USP25: variants seen among roughly 807,000 people sequenced by gnomAD.
USP25 encodes ubiquitin carboxyl-terminal hydrolase 25.
In USP25, 85 loss-of-function variants were observed where a neutral mutation model predicts 158.5. The ratio of observed to expected loss-of-function variants is 0.54; its 90% CI spans 0.45 to 0.64. The LOEUF (loss-of-function observed/expected upper bound fraction) is 0.64. USP25 is among the 30% of genes least tolerant of loss of function. The pLI, the probability that USP25 is intolerant of heterozygous loss-of-function variation, is 0.00. For missense variants in USP25, 1,242 were observed against 1,327.3 expected (o/e 0.94, Z 1.00); for synonymous variants, 464 against 460.4 (o/e 1.01, Z -0.10).
intron 17 of USP25, among the ~76,000 whole-genome samples, chr21:15,840,064 T>G (rs2038255431): frequency 6.6e-6 from 1 of 152,148 alleles, no homozygotes; most frequent in African/African-American, 2.4e-5. Flanking sequence ...TTGGCTTGCC[T>G]TCCAGTGTAG....
intron 1 of USP25, among the ~76,000 whole-genome samples, chr21:15,757,483 C>T (rs1328574743): frequency 6.6e-6 from 1 of 152,122 alleles, no homozygotes; most frequent in Non-Finnish European, 1.5e-5. Flanking sequence ...GTTTCAAAGA[C>T]CTTGCTCTTC....
intron 1 of USP25, among the ~76,000 whole-genome samples, chr21:15,730,940 T>C (rs527807447): frequency 6.6e-6 from 1 of 151,478 alleles, no homozygotes; most frequent in East Asian, 1.9e-4. Context: ...TGGTTTCTTT[T>C]CCTTTTAAGG....
chr21:15,753,231 C>T (rs922440132), intron 1 of USP25, among the ~76,000 whole-genome samples: 1 of 152,136 alleles, frequency 6.6e-6, no homozygotes, highest in African/African-American at 2.4e-5. Flanking sequence ...GTAGTTCCCC[C>T]CCAGGGTGCT....
At chr21:15,730,499 G>A (rs1342175355) in intron 1 of USP25, 61 bp downstream of exon 1, 6 of 1,295,516 alleles carry the variant, frequency 4.6e-6, no homozygotes, top group Middle Eastern at 2.8e-4. Flanking sequence ...GTCCTCTCCC[G>A]CTGCGGCCGG....
At chr21:15,777,787 A>G (rs1377397690) in intron 3 of USP25, 117 bp from the exon 4 acceptor site, 1 of 891,646 alleles carries the variant, frequency 1.1e-6, no homozygotes, top group Non-Finnish European at 1.6e-6. Context: ...TTTTAGAAAT[A>G]CAAAATTAGT....
intron 22 of USP25, 35 bp from the exon 23 acceptor site, chr21:15,870,033 C>A: frequency 6.7e-7 from 1 of 1,502,648 alleles, no homozygotes; most frequent in Non-Finnish European, 9.1e-7. Context: ...TTAAATCTTA[C>A]TCTGAACATT....
Position 15,826,258 on chromosome 21 carries a change from G to A in USP25, c.1359G>A (p.Gln453=), listed in dbSNP as rs2037497620. ...GATTCCCCTTGGTAGATGTTCTTCA[G>A]TATGCATTGGAATTTGCCTCAAGTA... The part of the protein sequence containing the change: ...PKRFPLVDVL[Q]YALEFASSKP... The change falls in exon 13 of 26, where the codon CAG becomes CAA. Residue 453 remains glutamine, a synonymous_variant. Coordinates refer to ENST00000400183, the MANE Select transcript of USP25 (RefSeq NM_001283041.3). This position sits in a 1 kb window ranked among gnomAD's most constrained non-coding sequence, Gnocchi z 4.8. 1.2e-6 allele frequency: 2 copies of A among 1,614,118 alleles called. No homozygotes were observed. Among genetic ancestry groups the A allele is most frequent in the East Asian group, 2.2e-5 (1 of 44,860 alleles).
intron 3 of USP25, among the ~76,000 whole-genome samples, chr21:15,770,218 T>A (rs1302946322): frequency 1.3e-5 from 2 of 152,064 alleles, no homozygotes; most frequent in Non-Finnish European, 2.9e-5. Context: ...TAACTTCAGT[T>A]TTTCCCTAGA....
chr21:15,847,329 T>G (rs1348228748), intron 18 of USP25, among the ~76,000 whole-genome samples: 1 of 152,196 alleles, frequency 6.6e-6, no homozygotes, highest in Non-Finnish European at 1.5e-5. Flanking sequence ...CTAAATACTT[T>G]CAGGGAAAAA....
chr21:15,831,666 TCA>T (rs759791017), intron 16 of USP25, 37 bp downstream of exon 16: 5 of 1,562,120 alleles, frequency 3.2e-6, no homozygotes, highest in Non-Finnish European at 4.4e-6. Flanking sequence ...TTTTAAATAG[TCA>T]TAAAAGTGGC....
chr21:15,731,755 T>A (rs1301614615), intron 1 of USP25, among the ~76,000 whole-genome samples: 2 of 152,222 alleles, frequency 1.3e-5, no homozygotes, highest in African/African-American at 2.4e-5. Context: ...GATTTAATAA[T>A]GAGAATTTAA....
intron 1 of USP25, among the ~76,000 whole-genome samples, chr21:15,757,194 A>G (rs958463686): frequency 6.6e-6 from 1 of 152,288 alleles, no homozygotes; most frequent in South Asian, 2.1e-4. Context: ...TAACAAAGGG[A>G]AAAAAACTTT....
Position 15,842,467 on chromosome 21 carries a change from A to C in USP25, c.2264A>C (p.Glu755Ala). Reference protein sequence around the residue: ...SRSDFSKHLKEETIQIITKAS... With the variant: ...SRSDFSKHLKAETIQIITKAS... ...AGTGATTTCTCAAAGCACTTGAAAGAAGAAACTATTCAAATAATTACCAAG... is the reference window on the plus strand; with the variant it reads ...AGTGATTTCTCAAAGCACTTGAAAGCAGAAACTATTCAAATAATTACCAAG... The change falls in exon 18 of 26, where the codon GAA becomes GCA. Residue 755 changes from glutamate to alanine, a missense_variant. By Grantham distance (107) the Glu-to-Ala change is moderately radical (BLOSUM62 -1). Coordinates refer to ENST00000400183, the MANE Select transcript of USP25 (RefSeq NM_001283041.3). 1 of 1,613,822 alleles carries C rather than the reference A, an allele frequency of 6.2e-7. No individual in the cohort carries two copies. Among genetic ancestry groups the C allele is most frequent in the Non-Finnish European group, 8.5e-7 (1 of 1,179,784 alleles).
At chr21:15,811,053 G>C (rs778776381) in intron 8 of USP25, 84 bp from the exon 9 acceptor site, 3 of 1,238,036 alleles carry the variant, frequency 2.4e-6, no homozygotes, top group Non-Finnish European at 3.4e-6. Context: ...TTTTTGTCTT[G>C]TCATATGTTA....
Position 15,878,596 on chromosome 21 carries a change from C to A in USP25, c.*121C>A. On this transcript the variant is annotated 3_prime_UTR_variant, in exon 26 of 26. Transcript: ENST00000400183. ...TAACTTTTTTTTATTTTAATAACTG[C>A]AAAAGACAAAATGACTATACAGACT... is the stretch of plus-strand genomic sequence containing the variant. 4 of 1,071,040 alleles carry A rather than the reference C, an allele frequency of 3.7e-6. No homozygotes were observed. Among genetic ancestry groups the A allele is most frequent in the South Asian group, 2.2e-5 (1 of 45,282 alleles). 66.3% of individuals were successfully genotyped at this position (1,071,040 alleles called of 1,614,324 possible). A position where few individuals can be genotyped will look rare whatever the true frequency, so the allele number is the denominator to read the frequency against.
chr21:15,756,355 T>C (rs1235940515), intron 1 of USP25, among the ~76,000 whole-genome samples: 2 of 152,180 alleles, frequency 1.3e-5, no homozygotes, highest in Non-Finnish European at 1.5e-5. Flanking sequence ...GTCCTTTCAA[T>C]TGCTTTTGTT....
In USP25 at chr21:15,833,437, C is replaced by T; in HGVS notation, c.2083C>T (p.Arg695Ter). 6.2e-7 allele frequency: 1 copy of T among 1,613,976 alleles called. No individual in the cohort carries two copies. Among genetic ancestry groups the T allele is most frequent in the East Asian group, 2.2e-5 (1 of 44,852 alleles). The change falls in exon 17 of 26, where the codon CGA (arginine) becomes TGA (stop). Residue 695 changes from arginine (R) to a stop codon, truncating the protein, a stop_gained. Coordinates refer to ENST00000400183, the MANE Select transcript of USP25 (RefSeq NM_001283041.3). LOFTEE classifies it high-confidence loss of function. The part of the protein sequence containing the change: ...LRDFVEEDNQ[R>*]FEKELEEWDA... ...AGATTTTGTTGAGGAAGACAACCAA[C>T]GATTTGAAAAAGAACTAGAAGAATG... is the stretch of plus-strand genomic sequence containing the variant.
At chr21:15,778,570 GATA>G (rs1416437421) in intron 4 of USP25, among the ~76,000 whole-genome samples, 3 of 152,160 alleles carry the variant, frequency 2.0e-5, no homozygotes, top group Non-Finnish European at 1.5e-5. Flanking sequence ...TCTATAGCAT[GATA>G]ATATGTTTAT....
intron 14 of USP25, 23 bp downstream of exon 14, chr21:15,827,226 G>T (rs1183237562): frequency 1.3e-6 from 2 of 1,584,840 alleles, no homozygotes; most frequent in Admixed American, 1.7e-5. Flanking sequence ...TCATAGCATG[G>T]TTACTGTCAC....
Sources: allele counts gnomAD v4.1 joint callset (sites outside exome capture counted in the v4.1 genomes callset), GRCh38; gene constraint gnomAD v4.1.1; non-coding constraint Gnocchi (gnomAD v3.1); transcripts MANE v1.5; gene names NCBI Gene and HGNC (gene_info 2026-07-23, HGNC 2026-07-21).